SKA1: variants seen among roughly 807,000 people sequenced by gnomAD.
SKA1 encodes spindle and kinetochore associated complex subunit 1.
SKA1 carries 20 observed loss-of-function variants against 31.8 expected under a neutral mutation model. That is an observed-to-expected ratio of 0.63 (90% confidence interval 0.44 to 0.91). The LOEUF is 0.91. Among genes scored for constraint, SKA1 ranks in the 40% least tolerant of loss-of-function variants. The pLI is 0.00. For synonymous variants in SKA1, 88 were observed against 100.5 expected (o/e 0.88, Z 0.74); for missense variants, 253 against 298.2 (o/e 0.85, Z 1.12).
rs775966466 is a variant in SKA1, at chr18:50,392,244, C to T, written c.765C>T (p.Thr255=). The change falls in exon 7 of 7, where the codon ACC becomes ACT. Residue 255 remains threonine, a synonymous_variant. Transcript: ENST00000285116. ...RGGGLTRYVI[T] ...GAGGACTTACTCGTTATGTTATAACCTGAGTCCCTTGTGAACTTTTGAACA... is the reference window on the plus strand; with the variant it reads ...GAGGACTTACTCGTTATGTTATAACTTGAGTCCCTTGTGAACTTTTGAACA... The T allele has an allele frequency of 7.7e-6, 12 of 1,557,114 alleles. No homozygotes were observed. The highest frequency in any genetic ancestry group is 1.0e-5 in the Non-Finnish European group (12 of 1,157,160).
chr18:50,393,503 T>C lies in SKA1; in HGVS notation c.*1256T>C, dbSNP rs925892613. The C allele has an allele frequency of 6.6e-6, 1 of 152,184 alleles. No individual in the cohort carries two copies. 9.4% of individuals were successfully genotyped at this position (152,184 alleles called of 1,614,324 possible). Reference sequence around the variant, plus strand: ...AGTTTATCATCTGATTATTGGGCTTTCGTATAGGTCCTTAGGGAGCAGCTT... The same window carrying C: ...AGTTTATCATCTGATTATTGGGCTTCCGTATAGGTCCTTAGGGAGCAGCTT... On this transcript the variant is annotated 3_prime_UTR_variant, in exon 7 of 7. Coordinates refer to ENST00000285116, the MANE Select transcript of SKA1 (RefSeq NM_145060.4).
rs1260872546 is a variant in SKA1, at chr18:50,392,275, A to T, written c.*28A>T. On this transcript the variant is annotated 3_prime_UTR_variant, in exon 7 of 7. Transcript: ENST00000285116. Reference sequence around the variant, plus strand: ...CCCTTGTGAACTTTTGAACATACCAACAGGGTATAGAGTATAGAGGCTATT... The same window carrying T: ...CCCTTGTGAACTTTTGAACATACCATCAGGGTATAGAGTATAGAGGCTATT... The T allele has an allele frequency of 2.0e-6, 3 of 1,474,142 alleles. No homozygotes were observed. The highest frequency in any genetic ancestry group is 2.7e-6 in the Non-Finnish European group (3 of 1,107,674). The allele number at this position is 1,474,142 out of a possible 1,614,324, so 91.3% of individuals were successfully genotyped here.
At chr18:50,376,948 C>G (rs929395652) in intron 2 of SKA1, among the ~76,000 whole-genome samples, 8 of 151,878 alleles carry the variant, frequency 5.3e-5, no homozygotes, top group Non-Finnish European at 1.2e-4. Context: ...AGAAGGTCAT[C>G]GGGGCAGTAC....
rs539145461 is a variant in SKA1, at chr18:50,379,577, G to A, written c.89-549G>A. On this transcript the variant is annotated intron_variant, in intron 2 of 6. Transcript: ENST00000285116. ...ATTCATAAAGAAGAGTCCTAGCCTC[G>A]TTTGAGATTCTCACTTCCAACACCC... is the stretch of plus-strand genomic sequence containing the variant. 7.2e-4 allele frequency among the ~76,000 whole-genome samples: 110 copies of A among 152,240 alleles called. No individual in the cohort carries two copies. The Middle Eastern group carries it at 0.017, about 24-fold the overall frequency.
At chr18:50,390,357 C>T (rs2041346750) in intron 5 of SKA1, among the ~76,000 whole-genome samples, 1 of 152,156 alleles carries the variant, frequency 6.6e-6, no homozygotes, top group South Asian at 2.1e-4. Flanking sequence ...GTTGAAGAGA[C>T]AAATTGAAGC....
intron 5 of SKA1, among the ~76,000 whole-genome samples, chr18:50,390,743 A>G (rs529888677): frequency 1.3e-5 from 2 of 152,172 alleles, no homozygotes; most frequent in East Asian, 3.9e-4. Flanking sequence ...TTTGTATAGC[A>G]CTAGAGTGCT....
chr18:50,386,947 C>T (rs1310169443), intron 5 of SKA1, among the ~76,000 whole-genome samples: 1 of 152,176 alleles, frequency 6.6e-6, no homozygotes, highest in East Asian at 1.9e-4. Flanking sequence ...ATCTTAGTTC[C>T]TTCCAGTTTG....
chr18:50,382,716 C>CT (rs1298873050), intron 4 of SKA1, among the ~76,000 whole-genome samples: 2 of 152,018 alleles, frequency 1.3e-5, no homozygotes, highest in Non-Finnish European at 2.9e-5. Context: ...TAAAAATAAG[C>CT]TTAAGGAAGT....
chr18:50,389,338 G>A lies in SKA1; in HGVS notation c.450-1786G>A, dbSNP rs144429362. ...GACATTGCTCTTTAGTCTTTTTCTG[G>A]GGGGGAGAGGGTCATTTTGTCATTT... On this transcript the variant is annotated intron_variant, in intron 5 of 6. Transcript: ENST00000285116. Among the ~76,000 whole-genome samples, 226 of 150,480 alleles carry A rather than the reference G, an allele frequency of 1.5e-3. 1 individual carries two copies. The highest frequency in any genetic ancestry group is 5.3e-3 in the African/African-American group (215 of 40,808).
In SKA1 at chr18:50,385,857, G is replaced by A. The variant is rs188395343; in HGVS notation, c.449+504G>A. Among the ~76,000 whole-genome samples, 4 of 152,286 alleles carry A rather than the reference G, an allele frequency of 2.6e-5. No individual in the cohort carries two copies. The Middle Eastern group carries it at 0.01, about 388-fold the overall frequency. Reference sequence around the variant, plus strand: ...TGCCTTTTACATATGGCAATAATGGGGAACCAATGATGAAAATCGACATTT... The same window carrying A: ...TGCCTTTTACATATGGCAATAATGGAGAACCAATGATGAAAATCGACATTT... On this transcript the variant is annotated intron_variant, in intron 5 of 6. Transcript: ENST00000285116.
Position 50,375,857 on chromosome 18 carries a change from A to T in SKA1, c.27A>T (p.Leu9Phe). 1 of 1,611,438 alleles carries T rather than the reference A, an allele frequency of 6.2e-7. No individual in the cohort carries two copies. Among genetic ancestry groups the T allele is most frequent in the South Asian group, 1.1e-5 (1 of 90,414 alleles). Residue 9 changes from leucine to phenylalanine, a missense_variant, in exon 2 of 7, where the codon TTA becomes TTT. By Grantham distance (22) the Leu-to-Phe change is conservative (BLOSUM62 0). Coordinates refer to ENST00000285116, the MANE Select transcript of SKA1 (RefSeq NM_145060.4). MASSDLEQLCSHVNEKIGN... is the reference protein window; with the variant it reads MASSDLEQFCSHVNEKIGN... ...TGGCCTCGTCAGATCTGGAACAATT[A>T]TGCTCTCATGTTAATGAAAAGATTG...
intron 3 of SKA1, 99 bp downstream of exon 3, chr18:50,380,349 T>G (rs1441295): frequency 0.71 from 922,572 of 1,307,016 alleles, 326,430 homozygotes; most frequent in East Asian, 0.85. Flanking sequence ...TAATGTTTTT[T>G]GTTTATAAAT....
At chr18:50,391,675 A>G (rs1273514472) in intron 6 of SKA1, among the ~76,000 whole-genome samples, 1 of 152,224 alleles carries the variant, frequency 6.6e-6, no homozygotes, top group South Asian at 2.1e-4. Context: ...TCCTGTTGAT[A>G]TAGCTACTTA....
At position 50,382,219 on chromosome 18, in the gene SKA1, C is replaced by G; in HGVS notation, c.304C>G (p.Gln102Glu). The part of the protein sequence containing the change: ...PSHLPQVTVT[Q>E]SCVKGSDLDP... ...CCATTTGCCTCAAGTAACAGTAACCCAGAGCTGGTAAGTGTATTTATAATT... is the reference window on the plus strand; with the variant it reads ...CCATTTGCCTCAAGTAACAGTAACCGAGAGCTGGTAAGTGTATTTATAATT... The change falls in exon 4 of 7, where the codon CAG (glutamine) becomes GAG (glutamate). Residue 102 changes from glutamine to glutamate, a missense_variant. Coordinates refer to ENST00000285116, the MANE Select transcript of SKA1 (RefSeq NM_145060.4). 1 of 1,501,554 alleles carries G rather than the reference C, an allele frequency of 6.7e-7. No homozygotes were observed. The highest frequency in any genetic ancestry group is 8.9e-7 in the Non-Finnish European group (1 of 1,125,054). 93.0% of individuals were successfully genotyped at this position (1,501,554 alleles called of 1,614,324 possible).
chr18:50,388,111 G>C (rs1026236096), intron 5 of SKA1, among the ~76,000 whole-genome samples: 21 of 152,224 alleles, frequency 1.4e-4, no homozygotes, highest in African/African-American at 4.6e-4. Flanking sequence ...TTTTTGAGAT[G>C]GAGTCTTGCT....
chr18:50,390,807 C>A (rs60343133), intron 5 of SKA1, among the ~76,000 whole-genome samples: 9,130 of 152,134 alleles, frequency 0.06, 754 homozygotes, highest in African/African-American at 0.18. Flanking sequence ...ACATTTAAAA[C>A]TGTTTAAATA....
intron 5 of SKA1, among the ~76,000 whole-genome samples, chr18:50,386,716 C>A (rs2041311300): frequency 6.6e-6 from 1 of 152,186 alleles, no homozygotes; most frequent in Non-Finnish European, 1.5e-5. Flanking sequence ...CTAAAAGTGC[C>A]TTGTATCCCA....
chr18:50,381,726 T>G (rs1451317107), intron 3 of SKA1, among the ~76,000 whole-genome samples: 1 of 4,536 alleles, frequency 2.2e-4, no homozygotes, highest in African/African-American at 2.5e-4. Flanking sequence ...CAATGTGGTT[T>G]TTTTTTTTTT....
intron 5 of SKA1, among the ~76,000 whole-genome samples, chr18:50,390,882 A>G (rs571643423): frequency 6.6e-6 from 1 of 152,356 alleles, no homozygotes; most frequent in East Asian, 1.9e-4. Context: ...TAAAATTATA[A>G]TATCAGTTCT....
Sources: gnomAD v4.1 joint callset for allele counts (sites outside exome capture counted in the v4.1 genomes callset) on GRCh38, gnomAD v4.1.1 for gene constraint, MANE v1.5 for transcripts, NCBI Gene and HGNC (gene_info 2026-07-23, HGNC 2026-07-21) for gene names.